Variants in INPP5F observed in about 807,000 individuals in gnomAD.
The protein encoded by INPP5F is phosphatidylinositide 4-phosphatase SAC2.
INPP5F carries 97 observed loss-of-function variants against 137.2 expected under a neutral mutation model. That is an observed-to-expected ratio of 0.71 (90% CI 0.60 to 0.84). INPP5F has a LOEUF of 0.84. INPP5F is among the 40% of genes least tolerant of loss of function. The probability of loss-of-function intolerance (pLI) is 0.00; values close to 1 mark genes in which losing one functional copy is unlikely to be tolerated. For synonymous variants in INPP5F, 504 were observed against 476.9 expected (o/e 1.06, Z -0.74); for missense variants, 1,271 against 1,371.9 (o/e 0.93, Z 1.16).
intron 6 of INPP5F, among the ~76,000 whole-genome samples, chr10:119,792,486 G>A (rs1307060826): frequency 6.7e-6 from 1 of 150,328 alleles, no homozygotes; most frequent in African/African-American, 2.5e-5. Context: ...TGGAACTCAT[G>A]TTCATAGACT....
At position 119,826,687 on chromosome 10, in the gene INPP5F, C is replaced by A. The variant is rs1347173375; in HGVS notation, c.2306C>A (p.Ser769Tyr). The change falls in exon 20 of 20, where the codon TCT (serine) becomes TAT (tyrosine). Residue 769 changes from serine to tyrosine, a missense_variant. This residue lies in a region of INPP5F where 490 missense variants were observed against 443.7 expected (regional missense o/e 1.10). Transcript: ENST00000650623. ...GGTATCAGGTCTCAAAACCAAGGTT[C>A]TTTGGCCCAGGGAAAGAATTTTTTA... ...IIGIRSQNQG[S>Y]LAQGKNFLMS... is the part of the protein sequence containing the mutation. 6.2e-7 allele frequency: 1 copy of A among 1,611,316 alleles called. No individual in the cohort carries two copies.
intron 3 of INPP5F, among the ~76,000 whole-genome samples, chr10:119,785,534 T>TAGAGAGAGAG (rs1564828471): frequency 6.9e-5 from 2 of 28,998 alleles, no homozygotes; most frequent in South Asian, 5.5e-4. Flanking sequence ...TGTGATCCGC[T>TAGAGAGAGAG]CGAGAGAGAG....
intron 16 of INPP5F, among the ~76,000 whole-genome samples, chr10:119,821,864 C>CT (rs11347174): frequency 0.052 from 4,554 of 88,152 alleles, 277 homozygotes; most frequent in South Asian, 0.17. Context: ...CTTGTAGTTG[C>CT]TTTTTTTTTT....
chr10:119,816,938 A>C (rs1851303500), intron 15 of INPP5F, among the ~76,000 whole-genome samples: 1 of 152,218 alleles, frequency 6.6e-6, no homozygotes. Context: ...CACCATGGTC[A>C]ATTTTAGGAC....
chr10:119,798,982 A>G (rs1374342484), intron 9 of INPP5F, among the ~76,000 whole-genome samples: 1 of 152,106 alleles, frequency 6.6e-6, no homozygotes, highest in Non-Finnish European at 1.5e-5. Context: ...TTAGATTGCT[A>G]TCAATTAATT....
At position 119,829,112 on chromosome 10, in the gene INPP5F, ATTAT is replaced by A; in HGVS notation, c.*1334_*1337del. 6.6e-6 allele frequency: 1 copy of A among 152,466 alleles called. No individual in the cohort carries two copies. Among genetic ancestry groups the A allele is most frequent in the South Asian group, 2.1e-4 (1 of 4,820 alleles). 9.4% of individuals were successfully genotyped at this position (152,466 alleles called of 1,614,324 possible). A position where few individuals can be genotyped will look rare whatever the true frequency, so the allele number is the denominator to read the frequency against. On this transcript the variant is annotated 3_prime_UTR_variant, in exon 20 of 20. Transcript: ENST00000650623. ...TTTTTTTTACGTGTTAAATCTTGTG[ATTAT>A]TAAAATAAAGTACCATTGTAATTTA... is the stretch of plus-strand genomic sequence containing the variant.
intron 10 of INPP5F, 136 bp downstream of exon 10, chr10:119,804,433 A>T (rs1564841897): frequency 1.3e-6 from 1 of 755,526 alleles, no homozygotes; most frequent in Non-Finnish European, 2.0e-6. Flanking sequence ...GGTATCATTC[A>T]TTTACTTTGT....
rs116021774 is a variant in INPP5F, at chr10:119,750,786, G to T, written c.98-290G>T. ...TCCGTTTGTCCTCTTGTAGTGTAAT[G>T]GCCCTGTTCCTCCACTGTAGGGCGC... On this transcript the variant is annotated intron_variant, in intron 1 of 19. Transcript: ENST00000650623. 4.5e-3 allele frequency among the ~76,000 whole-genome samples: 687 copies of T among 152,240 alleles called. 9 individuals are homozygous for T. The highest frequency in any genetic ancestry group is 0.017 in the Middle Eastern group (5 of 294).
In INPP5F at chr10:119,751,132, A is replaced by G. The variant is rs765574070; in HGVS notation, c.154A>G (p.Ile52Val). Residue 52 changes from isoleucine (I) to valine (V), a missense_variant, in exon 2 of 20, where the codon ATT becomes GTT. Transcript: ENST00000650623. ...TTGTTTGGGGTTGGTAGAAGGTGTTATTGGGAAAATTCAACTTCATTCAGG... is the reference window on the plus strand; with the variant it reads ...TTGTTTGGGGTTGGTAGAAGGTGTTGTTGGGAAAATTCAACTTCATTCAGG... ...PICLGLVEGV[I>V]GKIQLHSDLP... The G allele has an allele frequency of 3.1e-6, 5 of 1,608,298 alleles. No individual in the cohort carries two copies. In the South Asian group the frequency reaches 3.3e-5, roughly 11 times the overall value.
At chr10:119,806,300 T>A in intron 11 of INPP5F, 60 bp from the exon 12 acceptor site, 1 of 1,222,074 alleles carries the variant, frequency 8.2e-7, no homozygotes, top group Non-Finnish European at 1.1e-6. Flanking sequence ...TAAAGAATTG[T>A]GTCTTTTGAA....
At chr10:119,809,986 C>T in intron 13 of INPP5F, 114 bp from the exon 14 acceptor site, 1 of 672,484 alleles carries the variant, frequency 1.5e-6, no homozygotes. Flanking sequence ...AGAAGTCAGA[C>T]CTTGGAAATT....
At chr10:119,785,485 C>G (rs1410599658) in intron 3 of INPP5F, among the ~76,000 whole-genome samples, 1 of 146,620 alleles carries the variant, frequency 6.8e-6, no homozygotes, top group Admixed American at 6.8e-5. Context: ...TGGGGTTTCA[C>G]TGTGTTAGCC....
chr10:119,732,689 C>T lies in INPP5F; in HGVS notation c.97+6330C>T, dbSNP rs539812698. On this transcript the variant is annotated intron_variant, in intron 1 of 19. Coordinates refer to ENST00000650623, the MANE Select transcript of INPP5F (RefSeq NM_014937.4). ...CTAATTTTTCTATTTTTAGTAGAGA[C>T]GGGGTTTCGCCGTATTGGCCAGGTT... 6.6e-5 allele frequency among the ~76,000 whole-genome samples: 10 copies of T among 151,820 alleles called. No homozygotes were observed. In the South Asian group the frequency reaches 1.5e-3, roughly 22 times the overall value.
intron 2 of INPP5F, among the ~76,000 whole-genome samples, chr10:119,755,305 G>A (rs1181420576): frequency 6.6e-6 from 1 of 152,172 alleles, no homozygotes; most frequent in Non-Finnish European, 1.5e-5. Context: ...TCCTCCCGAA[G>A]CCTCTGTCCT....
At chr10:119,813,550 A>G (rs1443392867) in intron 15 of INPP5F, among the ~76,000 whole-genome samples, 2 of 152,262 alleles carry the variant, frequency 1.3e-5, no homozygotes, top group Non-Finnish European at 1.5e-5. Context: ...TCAAGAGCCC[A>G]GGCATTTGAG....
chr10:119,781,877 A>G (rs1250909640), intron 3 of INPP5F, 106 bp downstream of exon 3: 5 of 891,418 alleles, frequency 5.6e-6, no homozygotes, highest in African/African-American at 5.1e-5. Flanking sequence ...GAGCTGGGTA[A>G]TGTTTTTAAA....
intron 12 of INPP5F, among the ~76,000 whole-genome samples, chr10:119,807,315 C>A (rs973520064): frequency 5.9e-5 from 9 of 152,140 alleles, no homozygotes; most frequent in African/African-American, 1.9e-4. Flanking sequence ...CATAAAATAA[C>A]CTTGTGACTG....
At chr10:119,743,503 G>T (rs1848436016) in intron 1 of INPP5F, among the ~76,000 whole-genome samples, 1 of 152,190 alleles carries the variant, frequency 6.6e-6, no homozygotes, top group African/African-American at 2.4e-5. Context: ...AGCTCTGCTG[G>T]GTGTGGGTGG....
rs1307620204 is a variant in INPP5F, at chr10:119,821,865, T to C, written c.1959-566T>C. Among the ~76,000 whole-genome samples, 14 of 40,624 alleles carry C rather than the reference T, an allele frequency of 3.4e-4. No homozygotes were observed. The South Asian group carries it at 4.3e-3, about 12-fold the overall frequency. 26.7% of individuals were successfully genotyped at this position (40,624 alleles called of 152,430 possible). On this transcript the variant is annotated intron_variant, in intron 16 of 19. Coordinates refer to ENST00000650623, the MANE Select transcript of INPP5F (RefSeq NM_014937.4). ...TAAAATATTTTAACCTTGTAGTTGC[T>C]TTTTTTTTTTTTTTTTTTTTGAGAT...
Sources: allele counts gnomAD v4.1 joint callset (sites outside exome capture counted in the v4.1 genomes callset), GRCh38; gene constraint gnomAD v4.1.1; regional missense constraint gnomAD v4.1.1; transcripts MANE v1.5; gene names NCBI Gene and HGNC (gene_info 2026-07-23, HGNC 2026-07-21).